PTPRT: variants seen among roughly 807,000 people sequenced by gnomAD.
PTPRT encodes the protein receptor-type tyrosine-protein phosphatase T.
In PTPRT, 56 loss-of-function variants were observed where a neutral mutation model predicts 176.8. That is an observed-to-expected ratio of 0.32 (90% CI 0.26 to 0.40). PTPRT has a LOEUF of 0.40. Among genes scored for constraint, PTPRT ranks in the 10% least tolerant of loss-of-function variants. The probability of loss-of-function intolerance (pLI) is 1.00; values close to 1 mark genes in which losing one functional copy is unlikely to be tolerated. For missense variants in PTPRT, 1,540 were observed against 1,908.2 expected (o/e 0.81, Z 3.60); for synonymous variants, 783 against 739.0 (o/e 1.06, Z -0.96).
chr20:42,116,525 ACT>A (rs1317057474), intron 21 of PTPRT, among the ~76,000 whole-genome samples: 1 of 152,146 alleles, frequency 6.6e-6, no homozygotes, highest in Non-Finnish European at 1.5e-5. Context: ...CTGACTGTGT[ACT>A]CTGTCTACCA....
chr20:43,042,708 C>CCCTCCCCCCCGCCATCTCT (rs1986661385), intron 1 of PTPRT, among the ~76,000 whole-genome samples: 7 of 106,978 alleles, frequency 6.5e-5, no homozygotes, highest in Admixed American at 1.0e-4. Context: ...CTTCCACCCA[C>CCCTCCCCCCCGCCATCTCT]CCTCCCACCC....
In PTPRT at chr20:42,926,399, A is replaced by AT. The variant is rs983523093; in HGVS notation, c.89-40468dup. Among the ~76,000 whole-genome samples, 7 of 151,962 alleles carry AT rather than the reference A, an allele frequency of 4.6e-5. No individual in the cohort carries two copies. The South Asian group carries it at 1.5e-3, about 32-fold the overall frequency. ...CAGGTTTGAGTAGCAAATAATAAAT[A>AT]TTTTTTTTCTAAGCAACTCTTAGTG... On this transcript the variant is annotated intron_variant, in intron 1 of 30. Coordinates refer to ENST00000373187, the MANE Select transcript of PTPRT (RefSeq NM_007050.6).
intron 27 of PTPRT, among the ~76,000 whole-genome samples, chr20:42,093,888 A>C (rs1323243374): frequency 6.6e-6 from 1 of 152,208 alleles, no homozygotes; most frequent in East Asian, 1.9e-4. Context: ...CGGTGATGAT[A>C]TTTATATCAA....
chr20:42,477,896 C>G (rs780385435), intron 7 of PTPRT, among the ~76,000 whole-genome samples: 3 of 152,186 alleles, frequency 2.0e-5, no homozygotes, highest in Non-Finnish European at 4.4e-5. Context: ...CTTTAGAGAG[C>G]CACTTTGGCC....
At chr20:42,098,216 G>A (rs1446931169) in intron 27 of PTPRT, among the ~76,000 whole-genome samples, 2 of 150,804 alleles carry the variant, frequency 1.3e-5, no homozygotes, top group East Asian at 2.0e-4. Context: ...CATAGGCAGG[G>A]GGAGTCTTTG....
At chr20:42,753,918 T>G (rs1365784026) in intron 6 of PTPRT, among the ~76,000 whole-genome samples, 4 of 152,034 alleles carry the variant, frequency 2.6e-5, no homozygotes, top group Non-Finnish European at 5.9e-5. Flanking sequence ...AATTTCAGAG[T>G]GCTAAACTAA....
chr20:42,510,923 C>T (rs1462115279), intron 7 of PTPRT, among the ~76,000 whole-genome samples: 1 of 152,156 alleles, frequency 6.6e-6, no homozygotes, highest in Non-Finnish European at 1.5e-5. Context: ...CCCAATGTGG[C>T]AATCACTGAG....
At chr20:42,634,608 A>G (rs560718833) in intron 7 of PTPRT, among the ~76,000 whole-genome samples, 1 of 152,232 alleles carries the variant, frequency 6.6e-6, no homozygotes, top group Admixed American at 6.5e-5. Context: ...AAATTAATCA[A>G]GGATTGTCAA....
At chr20:42,735,798 C>G (rs2076531229) in intron 6 of PTPRT, among the ~76,000 whole-genome samples, 1 of 151,812 alleles carries the variant, frequency 6.6e-6, no homozygotes. Context: ...CGCCCATACC[C>G]TAGCATTTGC....
chr20:42,385,625 T>C (rs1007932542), intron 9 of PTPRT, among the ~76,000 whole-genome samples: 2 of 152,196 alleles, frequency 1.3e-5, no homozygotes, highest in African/African-American at 4.8e-5. Context: ...TGGTTATTTA[T>C]AAAGAAAAAG....
intron 2 of PTPRT, among the ~76,000 whole-genome samples, chr20:42,867,456 G>A (rs1016357101): frequency 7.6e-6 from 1 of 131,854 alleles, no homozygotes; most frequent in Non-Finnish European, 1.5e-5. Context: ...TTGTGTCATG[G>A]TATCTTGTAT....
Position 43,093,538 on chromosome 20 carries a change from G to A in PTPRT, c.88+96108C>T, listed in dbSNP as rs539451369. On this transcript the variant is annotated intron_variant, in intron 1 of 30. Transcript: ENST00000373187. ...TGAATGCACAGGTGTATGCTCACAC[G>A]CATGCACACACACAACAGGTCTGTT... Among the ~76,000 whole-genome samples the A allele has an allele frequency of 5.9e-5, 9 of 152,296 alleles. No individual in the cohort carries two copies. In the East Asian group the frequency reaches 7.7e-4, roughly 13 times the overall value.
At chr20:42,582,564 AG>A (rs1282155555) in intron 7 of PTPRT, among the ~76,000 whole-genome samples, 14 of 152,190 alleles carry the variant, frequency 9.2e-5, no homozygotes, top group Admixed American at 9.2e-4. Context: ...GCCAGTTCAG[AG>A]GGAGGGACAT....
At chr20:42,051,674 C>T in the PTPRT span, among the ~76,000 whole-genome samples, 3 of 152,124 alleles carry the variant, frequency 2.0e-5, no homozygotes, top group Non-Finnish European at 2.9e-5. Flanking sequence ...AGGCAAGAGA[C>T]GAAGTTCCTC....
intron 7 of PTPRT, among the ~76,000 whole-genome samples, chr20:42,592,371 G>T (rs1458891939): frequency 6.6e-6 from 1 of 152,110 alleles, no homozygotes; most frequent in Non-Finnish European, 1.5e-5. Flanking sequence ...GGAGTTTCTT[G>T]CCTTTAAGGT....
intron 1 of PTPRT, among the ~76,000 whole-genome samples, chr20:43,010,357 T>TTCCTCACACTCACCTTGCTGA (rs1401346752): frequency 1.3e-5 from 2 of 152,124 alleles, no homozygotes; most frequent in Non-Finnish European, 2.9e-5. Flanking sequence ...CAGTATCTCC[T>TTCCTCACACTCACCTTGCTGA]TCCTCACACT....
intron 12 of PTPRT, among the ~76,000 whole-genome samples, chr20:42,314,037 C>T (rs1443643309): frequency 6.6e-6 from 1 of 152,164 alleles, no homozygotes; most frequent in Non-Finnish European, 1.5e-5. Flanking sequence ...GGCTGTTCCC[C>T]ACACACTTCA....
chr20:43,130,511 T>C (rs2013612004), intron 1 of PTPRT, among the ~76,000 whole-genome samples: 1 of 152,080 alleles, frequency 6.6e-6, no homozygotes, highest in Non-Finnish European at 1.5e-5. Context: ...AACAATGCAA[T>C]TGCCTCGTTT....
chr20:42,598,269 T>A (rs2073710693), intron 7 of PTPRT, among the ~76,000 whole-genome samples: 1 of 152,150 alleles, frequency 6.6e-6, no homozygotes, highest in Admixed American at 6.5e-5. Context: ...AATTGTAAAA[T>A]AACATACAGC....
Sources: gnomAD v4.1 joint callset for allele counts (sites outside exome capture counted in the v4.1 genomes callset) on GRCh38, gnomAD v4.1.1 for gene constraint, MANE v1.5 for transcripts, NCBI Gene and HGNC (gene_info 2026-07-23, HGNC 2026-07-21) for gene names.